The following PRMT3 variants were observed in gnomAD, a reference collection of about 807,000 sequenced individuals.
PRMT3 encodes protein arginine methyltransferase 3.
In PRMT3, 62 loss-of-function variants were observed where a neutral mutation model predicts 71.9. The observed-to-expected ratio is 0.86, with a 90% CI of 0.70 to 1.07. The LOEUF (loss-of-function observed/expected upper bound fraction) is 1.07, where lower values mean the gene tolerates loss of function less well. Ranked by LOEUF, PRMT3 falls within the 50% of genes least tolerant of loss-of-function variation. PRMT3 has a pLI of 0.00. For synonymous variants in PRMT3, 213 were observed against 220.4 expected (o/e 0.97, Z 0.30); for missense variants, 663 against 643.0 (o/e 1.03, Z -0.34).
At chr11:20,406,319 A>G (rs1421451142) in intron 8 of PRMT3, 1 of 152,182 alleles carries the variant, frequency 6.6e-6, no homozygotes, top group Non-Finnish European at 1.5e-5. Flanking sequence ...TACAGAAGCA[A>G]TTTGTTTTCC....
At chr11:20,445,419 C>T (rs1850003833) in intron 10 of PRMT3, among the ~76,000 whole-genome samples, 1 of 152,078 alleles carries the variant, frequency 6.6e-6, no homozygotes, top group Non-Finnish European at 1.5e-5. Flanking sequence ...TAATTGTGTA[C>T]TGTTCCACAC....
At chr11:20,483,503 G>A (rs1850994724) in intron 13 of PRMT3, among the ~76,000 whole-genome samples, 1 of 147,014 alleles carries the variant, frequency 6.8e-6, no homozygotes, top group South Asian at 2.1e-4. Context: ...CAGGAGAAGA[G>A]AAATCTAGAG....
At chr11:20,441,707 G>A (rs779877017) in intron 10 of PRMT3, among the ~76,000 whole-genome samples, 6 of 150,764 alleles carry the variant, frequency 4.0e-5, no homozygotes, top group East Asian at 2.0e-4. Context: ...TTATACTTGC[G>A]TCTCTTTACG....
chr11:20,442,145 G>A (rs1167633716), intron 10 of PRMT3, among the ~76,000 whole-genome samples: 1 of 151,914 alleles, frequency 6.6e-6, no homozygotes, highest in Admixed American at 6.6e-5. Context: ...ACTTCTAAAT[G>A]CAGCTTAAAT....
intron 13 of PRMT3, among the ~76,000 whole-genome samples, chr11:20,485,509 T>TA (rs1180898168): frequency 2.6e-5 from 4 of 152,188 alleles, no homozygotes; most frequent in Admixed American, 2.6e-4. Flanking sequence ...TTTTTTAAAA[T>TA]ACGGTTTGGA....
At chr11:20,445,205 C>A (rs546467477) in intron 10 of PRMT3, among the ~76,000 whole-genome samples, 3 of 152,026 alleles carry the variant, frequency 2.0e-5, no homozygotes, top group East Asian at 3.9e-4. Context: ...TTTTTCTTTG[C>A]AAAATGTAGT....
chr11:20,473,012 A>G (rs1219700583), intron 13 of PRMT3, among the ~76,000 whole-genome samples: 1 of 151,892 alleles, frequency 6.6e-6, no homozygotes, highest in Non-Finnish European at 1.5e-5. Context: ...CATTTCTTCT[A>G]GGTTTTCTAG....
intron 8 of PRMT3, 102 bp from the exon 9 acceptor site, chr11:20,407,809 A>G (rs1292608613): frequency 1.6e-6 from 2 of 1,231,218 alleles, no homozygotes; most frequent in Non-Finnish European, 2.2e-6. Context: ...TTTTATTGTG[A>G]TCTTTTCCTA....
chr11:20,417,881 A>G (rs1849343062), intron 9 of PRMT3, among the ~76,000 whole-genome samples: 1 of 152,146 alleles, frequency 6.6e-6, no homozygotes, highest in East Asian at 1.9e-4. Flanking sequence ...TTTCCTGGCT[A>G]AGCTCAGATG....
At chr11:20,488,724 C>T (rs1181384205) in intron 13 of PRMT3, among the ~76,000 whole-genome samples, 1 of 152,120 alleles carries the variant, frequency 6.6e-6, no homozygotes, top group Non-Finnish European at 1.5e-5. Context: ...TCATTGGTTG[C>T]CATCCTATTA....
intron 10 of PRMT3, among the ~76,000 whole-genome samples, chr11:20,442,213 T>C (rs919342160): frequency 4.1e-5 from 6 of 146,846 alleles, no homozygotes; most frequent in African/African-American, 1.2e-4. Context: ...CAAAATATTG[T>C]TTTTTTTTTT....
chr11:20,489,864 C>A (rs1462519400), intron 13 of PRMT3, among the ~76,000 whole-genome samples: 1 of 150,232 alleles, frequency 6.7e-6, no homozygotes, highest in Non-Finnish European at 1.5e-5. Context: ...ATCCCTTAAG[C>A]CCAGGAGTTT....
chr11:20,504,741 A>AGAGAGAGAGAGAGAGAGAGAGC (rs1565243517), intron 15 of PRMT3, among the ~76,000 whole-genome samples: 1 of 137,630 alleles, frequency 7.3e-6, no homozygotes, highest in African/African-American at 2.6e-5. Flanking sequence ...AGAGAGAGAG[A>AGAGAGAGAGAGAGAGAGAGAGC]GAGAGCGAGA....
intron 10 of PRMT3, 27 bp from the exon 11 acceptor site, chr11:20,452,096 TTCTAAAC>T (rs1850162400): frequency 6.7e-7 from 1 of 1,485,858 alleles, no homozygotes; most frequent in African/African-American, 1.4e-5. Flanking sequence ...TATTGCACAT[TTCTAAAC>T]TCTTTTTTTC....
At chr11:20,425,167 GA>G (rs1189679992) in intron 9 of PRMT3, among the ~76,000 whole-genome samples, 1 of 150,800 alleles carries the variant, frequency 6.6e-6, no homozygotes, top group African/African-American at 2.4e-5. Context: ...CAAAAGATTC[GA>G]ACGAAAGAAG....
At chr11:20,507,216 A>G (rs1201919116) in intron 15 of PRMT3, among the ~76,000 whole-genome samples, 1 of 152,092 alleles carries the variant, frequency 6.6e-6, no homozygotes, top group Non-Finnish European at 1.5e-5. Context: ...CTGCCTTCCA[A>G]CCATCCCCAG....
intron 13 of PRMT3, among the ~76,000 whole-genome samples, chr11:20,478,630 G>A (rs7396037): frequency 1.3e-5 from 2 of 151,854 alleles, no homozygotes; most frequent in Non-Finnish European, 2.9e-5. Flanking sequence ...TTCAGTTACT[G>A]AGTTTTTTAA....
At chr11:20,390,686 A>G (rs1346525221) in intron 3 of PRMT3, among the ~76,000 whole-genome samples, 1 of 152,250 alleles carries the variant, frequency 6.6e-6, no homozygotes, top group Non-Finnish European at 1.5e-5. Flanking sequence ...CTACAATAAA[A>G]TTAACTAAAT....
intron 10 of PRMT3, among the ~76,000 whole-genome samples, chr11:20,437,101 G>A (rs1430283443): frequency 6.6e-6 from 1 of 151,700 alleles, no homozygotes; most frequent in Non-Finnish European, 1.5e-5. Flanking sequence ...TAATTCTATG[G>A]TATCTATTTT....
Sources: allele counts gnomAD v4.1 joint callset (sites outside exome capture counted in the v4.1 genomes callset), GRCh38; gene constraint gnomAD v4.1.1; transcripts MANE v1.5; gene names NCBI Gene and HGNC (gene_info 2026-07-23, HGNC 2026-07-21).